The following ATP10A variants were observed in gnomAD, a reference collection of about 807,000 sequenced individuals.
ATP10A encodes the protein phospholipid-transporting ATPase VA.
ATP10A carries 111 observed loss-of-function variants against 147.8 expected under a neutral mutation model. That is an observed-to-expected ratio of 0.75 (90% confidence interval 0.64 to 0.88). The LOEUF (loss-of-function observed/expected upper bound fraction) is 0.88, where lower values mean the gene tolerates loss of function less well. Ranked by LOEUF, ATP10A falls within the 40% of genes least tolerant of loss-of-function variation. The pLI, the probability that ATP10A is intolerant of heterozygous loss-of-function variation, is 0.00. For missense variants in ATP10A, 1,927 were observed against 1,959.0 expected (o/e 0.98, Z 0.31); for synonymous variants, 875 against 841.6 (o/e 1.04, Z -0.69).
rs756732090 is a variant in ATP10A, at chr15:25,687,836, G to A, written c.3166-8C>T. 94 of 1,613,822 alleles carry A rather than the reference G, an allele frequency of 5.8e-5. No homozygotes were observed. In the East Asian group the frequency reaches 2.1e-3, roughly 36 times the overall value. On this transcript the variant is annotated splice_region_variant and splice_polypyrimidine_tract_variant and intron_variant, in intron 15 of 20. Transcript: ENST00000555815. ...GTCGCTGGCCATCACTGCCTTCAAA[G>A]GGAGAGGGATTCCTGTTACTGGTGA... is the stretch of plus-strand genomic sequence containing the variant.
chr15:25,809,520 T>G (rs974114123), intron 1 of ATP10A, among the ~76,000 whole-genome samples: 1 of 152,228 alleles, frequency 6.6e-6, no homozygotes, highest in Admixed American at 6.5e-5. Flanking sequence ...CAGGGCAAAT[T>G]TACTTTATTC....
chr15:25,709,866 T>TG (rs1901290145), intron 10 of ATP10A: 1 of 152,256 alleles, frequency 6.6e-6, no homozygotes, highest in African/African-American at 2.4e-5. Context: ...GGCTGGGCTT[T>TG]GGAGGGTGGG....
intron 1 of ATP10A, among the ~76,000 whole-genome samples, chr15:25,795,813 T>C (rs1890646206): frequency 6.6e-6 from 1 of 152,106 alleles, no homozygotes; most frequent in South Asian, 2.1e-4. Flanking sequence ...ATGGGAGGTG[T>C]CTGGGTCGTG....
intron 1 of ATP10A, chr15:25,841,672 A>T (rs1232276341): frequency 6.6e-6 from 1 of 151,350 alleles, no homozygotes; most frequent in East Asian, 1.9e-4. Context: ...TATTATGTTC[A>T]TTTTCCGATC....
rs1297689836 is a variant in ATP10A at position 25,691,699 on chromosome 15, C to G, written c.3165+16G>C. ...AGGGCCAATTGGTCACACAGAATAG[C>G]CTGATTGGTCTTTACCTGCATACCC... is the stretch of plus-strand genomic sequence containing the variant. On this transcript the variant is annotated intron_variant, in intron 15 of 20. Coordinates refer to ENST00000555815, the MANE Select transcript of ATP10A (RefSeq NM_024490.4). The G allele has an allele frequency of 1.9e-6, 3 of 1,613,896 alleles. No homozygotes were observed. In the African/African-American group the frequency reaches 4.0e-5, roughly 22 times the overall value.
chr15:25,727,386 G>C lies in ATP10A; in HGVS notation c.741-120C>G, dbSNP rs533500532. On this transcript the variant is annotated intron_variant, in intron 3 of 20. Transcript: ENST00000555815. ...TGAAAGCTTGGGGCCGCTGGGATCT[G>C]GACTGGGAAGGGTACAGGGGGCCCC... 4.4e-6 allele frequency: 4 copies of C among 902,492 alleles called. No individual in the cohort carries two copies. The East Asian group carries it at 1.0e-4, about 23-fold the overall frequency. The allele number at this position is 902,492 out of a possible 1,614,324, so 55.9% of individuals were successfully genotyped here.
chr15:25,731,773 T>C (rs768704204), intron 3 of ATP10A, among the ~76,000 whole-genome samples: 2 of 152,234 alleles, frequency 1.3e-5, no homozygotes, highest in Non-Finnish European at 2.9e-5. Flanking sequence ...ACTTGAATAA[T>C]GAGGCTCCTA....
intron 1 of ATP10A, among the ~76,000 whole-genome samples, chr15:25,859,675 G>A (rs1301371464): frequency 6.6e-6 from 1 of 152,104 alleles, no homozygotes; most frequent in Non-Finnish European, 1.5e-5. Flanking sequence ...AATGGGTTCA[G>A]AAGGAGGAAA....
At chr15:25,735,627 T>C (rs944976982) in intron 3 of ATP10A, among the ~76,000 whole-genome samples, 3 of 152,220 alleles carry the variant, frequency 2.0e-5, no homozygotes, top group African/African-American at 7.2e-5. Context: ...ATCCAGTGCC[T>C]TGAATGCACC....
intron 1 of ATP10A, among the ~76,000 whole-genome samples, chr15:25,808,056 A>G (rs1156428028): frequency 6.6e-6 from 1 of 152,198 alleles, no homozygotes; most frequent in Non-Finnish European, 1.5e-5. Context: ...TCACTGGCTG[A>G]TAGAACACAC....
chr15:25,779,976 G>A (rs978373510), intron 2 of ATP10A, among the ~76,000 whole-genome samples: 2 of 152,128 alleles, frequency 1.3e-5, no homozygotes, highest in Non-Finnish European at 2.9e-5. Flanking sequence ...GAGGTGCGGA[G>A]TACCTGGCCT....
At chr15:25,720,025 C>T (rs1902114753) in intron 7 of ATP10A, among the ~76,000 whole-genome samples, 1 of 152,186 alleles carries the variant, frequency 6.6e-6, no homozygotes. Flanking sequence ...TCATTCATCA[C>T]CAGGAAGCTC....
At chr15:25,778,908 G>A (rs192683541) in intron 2 of ATP10A, among the ~76,000 whole-genome samples, 11 of 152,148 alleles carry the variant, frequency 7.2e-5, no homozygotes, top group East Asian at 5.8e-4. Flanking sequence ...ATGGAGTCTC[G>A]CTCTGTCACC....
chr15:25,717,208 G>A (rs1426624767), intron 8 of ATP10A, among the ~76,000 whole-genome samples: 1 of 150,968 alleles, frequency 6.6e-6, no homozygotes, highest in Admixed American at 6.6e-5. Flanking sequence ...ATACATATTG[G>A]TGGTTTCCAT....
intron 2 of ATP10A, among the ~76,000 whole-genome samples, chr15:25,760,101 ATG>A (rs1191505480): frequency 6.6e-6 from 1 of 151,936 alleles, no homozygotes; most frequent in Non-Finnish European, 1.5e-5. Flanking sequence ...CTGAGTAGCT[ATG>A]TAATTTAAAC....
chr15:25,680,453 G>C, intron 19 of ATP10A, 145 bp from the exon 20 acceptor site: 2 of 904,822 alleles, frequency 2.2e-6, no homozygotes, highest in Middle Eastern at 5.1e-4. Flanking sequence ...CGGGTAACCG[G>C]TGGGGCTCAA....
rs1170786550 is a variant in ATP10A at position 25,774,377 on chromosome 15, C to A, written c.654+6642G>T. Among the ~76,000 whole-genome samples, 3 of 152,278 alleles carry A rather than the reference C, an allele frequency of 2.0e-5. No individual in the cohort carries two copies. The East Asian group carries it at 5.8e-4, about 29-fold the overall frequency. On this transcript the variant is annotated intron_variant, in intron 2 of 20. Coordinates refer to ENST00000555815, the MANE Select transcript of ATP10A (RefSeq NM_024490.4). ...ATCACCTGAGGTCCAGAGTTCAAGA[C>A]CAGCCTGACCAAGACGGAGAAACCC...
intron 1 of ATP10A, among the ~76,000 whole-genome samples, chr15:25,802,522 G>T (rs538708308): frequency 6.6e-6 from 1 of 152,286 alleles, no homozygotes; most frequent in East Asian, 1.9e-4. Flanking sequence ...TGATGTTATC[G>T]TTCTGTAGGT....
chr15:25,747,662 C>T (rs1248576829), intron 2 of ATP10A, among the ~76,000 whole-genome samples: 1 of 152,022 alleles, frequency 6.6e-6, no homozygotes, highest in East Asian at 1.9e-4. Flanking sequence ...TAGAAAAATA[C>T]AAGTTTCTAA....
Sources: allele counts gnomAD v4.1 joint callset (sites outside exome capture counted in the v4.1 genomes callset), GRCh38; gene constraint gnomAD v4.1.1; transcripts MANE v1.5; gene names NCBI Gene and HGNC (gene_info 2026-07-23, HGNC 2026-07-21).